MTSS1: variants seen among roughly 807,000 people sequenced by gnomAD.
The protein encoded by MTSS1 is MTSS I-BAR domain containing 1.
MTSS1 carries 18 observed loss-of-function variants against 79.0 expected under a neutral mutation model. The ratio of observed to expected loss-of-function variants is 0.23; its 90% CI spans 0.16 to 0.34. The LOEUF is 0.34. Ranked by LOEUF, MTSS1 falls within the 10% of genes least tolerant of loss-of-function variation. The pLI is 1.00. For synonymous variants in MTSS1, 341 were observed against 368.6 expected, an observed-to-expected ratio of 0.93 and a Z score of 0.86; for missense variants, 815 against 986.2, an observed-to-expected ratio of 0.83 and a Z score of 2.33.
chr8:124,654,560 G>A (rs547414141), intron 3 of MTSS1, among the ~76,000 whole-genome samples: 2 of 152,162 alleles, frequency 1.3e-5, no homozygotes, highest in African/African-American at 4.8e-5. Context: ...ACATTGAAAG[G>A]TTCATACTAG....
intron 3 of MTSS1, among the ~76,000 whole-genome samples, chr8:124,621,458 G>T (rs756777252): frequency 7.2e-5 from 11 of 152,188 alleles, no homozygotes; most frequent in Non-Finnish European, 1.3e-4. Flanking sequence ...GGCAGAAGGG[G>T]TGTCTGCCAG....
At chr8:124,700,533 C>G (rs945437586) in intron 2 of MTSS1, among the ~76,000 whole-genome samples, 2 of 152,184 alleles carry the variant, frequency 1.3e-5, no homozygotes, top group African/African-American at 4.8e-5. Context: ...AACTGAGATA[C>G]TACTGTTTCA....
chr8:124,574,990 T>C lies in MTSS1; in HGVS notation c.461-6454A>G, dbSNP rs140122366. 5.3e-5 allele frequency among the ~76,000 whole-genome samples: 8 copies of C among 152,222 alleles called. No individual in the cohort carries two copies. The East Asian group carries it at 1.5e-3, about 29-fold the overall frequency. On this transcript the variant is annotated intron_variant, in intron 6 of 13. Transcript: ENST00000518547. ...TCGGTAGGTTTTTTTTTTCCTTTCTTAGTGGTCTGGAAAATAATGGTGCAT... is the reference window on the plus strand; with the variant it reads ...TCGGTAGGTTTTTTTTTTCCTTTCTCAGTGGTCTGGAAAATAATGGTGCAT...
intron 1 of MTSS1, among the ~76,000 whole-genome samples, chr8:124,710,783 T>C (rs1266908123): frequency 1.3e-5 from 2 of 152,054 alleles, no homozygotes; most frequent in Non-Finnish European, 2.9e-5. Flanking sequence ...GCTGAGGGAA[T>C]TCAACACCAC....
At chr8:124,719,897 T>G (rs771644320) in intron 1 of MTSS1, among the ~76,000 whole-genome samples, 2 of 152,164 alleles carry the variant, frequency 1.3e-5, no homozygotes, top group African/African-American at 2.4e-5. Flanking sequence ...ATTCACCTCT[T>G]CTCCCATTTT....
At chr8:124,696,256 G>A (rs1385313000) in intron 3 of MTSS1, among the ~76,000 whole-genome samples, 3 of 151,894 alleles carry the variant, frequency 2.0e-5, no homozygotes, top group Non-Finnish European at 4.4e-5. Flanking sequence ...CCAAATGCTG[G>A]GATTACAGGT....
chr8:124,704,147 C>G lies in MTSS1; in HGVS notation c.117G>C (p.Lys39Asn). Residue 39 changes from lysine to asparagine, a missense_variant, in exon 2 of 14, where the codon AAG (lysine) becomes AAC (asparagine). Physicochemically the swap from Lys to Asn is moderately conservative, Grantham distance 94 (BLOSUM62 0). This residue lies in a region of MTSS1 where 225 missense variants were observed against 365.4 expected (regional missense o/e 0.62). Transcript: ENST00000518547. ...VWEDFINKAG[K>N]LQSQLRTTVV... ...CTACTTACCGAAGCTGGGACTGCAG[C>G]TTTCCTGCTTTGTTTATGAAATCTT... 1 of 1,614,030 alleles carries G rather than the reference C, an allele frequency of 6.2e-7. No homozygotes were observed. The highest frequency in any genetic ancestry group is 8.5e-7 in the Non-Finnish European group (1 of 1,179,982).
rs1354350144 is a variant in MTSS1 at position 124,597,057 on chromosome 8, G to C, written c.209-5822C>G. 6.6e-6 allele frequency among the ~76,000 whole-genome samples: 1 copy of C among 152,160 alleles called. No homozygotes were observed. On this transcript the variant is annotated intron_variant, in intron 3 of 13. Coordinates refer to ENST00000518547, the MANE Select transcript of MTSS1 (RefSeq NM_014751.6). The surrounding 1 kb of genome is among the most constrained non-coding windows in gnomAD (Gnocchi z 4.6). ...CCTATCTTTCTGGGGGTGCGCCGCA[G>C]TCCACGGCCCACATCCTACCGTGCA... is the stretch of plus-strand genomic sequence containing the variant.
intron 3 of MTSS1, among the ~76,000 whole-genome samples, chr8:124,606,734 C>T (rs1019052970): frequency 6.6e-6 from 1 of 151,954 alleles, no homozygotes; most frequent in African/African-American, 2.4e-5. Context: ...CAGCCAGATT[C>T]AAACCGTGCT....
intron 5 of MTSS1, among the ~76,000 whole-genome samples, chr8:124,589,112 C>A (rs539579982): frequency 4.6e-5 from 7 of 152,040 alleles, no homozygotes; most frequent in East Asian, 1.9e-4. Context: ...CTCACTGCAA[C>A]CTCTGACTCC....
chr8:124,698,263 C>A (rs781407281), intron 3 of MTSS1: 1 of 152,234 alleles, frequency 6.6e-6, no homozygotes, highest in East Asian at 1.9e-4. Flanking sequence ...TCAGGTGGTT[C>A]GGAGAAACTT....
At chr8:124,572,301 G>C (rs1027868122) in intron 6 of MTSS1, among the ~76,000 whole-genome samples, 1 of 152,124 alleles carries the variant, frequency 6.6e-6, no homozygotes, top group South Asian at 2.1e-4. Context: ...TTCCATTCAG[G>C]ATAGATGATA....
At chr8:124,720,216 G>A (rs1832708387) in intron 1 of MTSS1, among the ~76,000 whole-genome samples, 1 of 152,226 alleles carries the variant, frequency 6.6e-6, no homozygotes, top group Admixed American at 6.5e-5. Context: ...CTGTGTCAAG[G>A]AAGCCTGGGA....
chr8:124,575,175 C>G (rs192400263), intron 6 of MTSS1, among the ~76,000 whole-genome samples: 18 of 152,242 alleles, frequency 1.2e-4, no homozygotes, highest in African/African-American at 4.1e-4. Flanking sequence ...CCTCATTATC[C>G]CTTTATAAGT....
At chr8:124,719,912 G>T (rs759225928) in intron 1 of MTSS1, among the ~76,000 whole-genome samples, 3 of 152,142 alleles carry the variant, frequency 2.0e-5, no homozygotes, top group Non-Finnish European at 4.4e-5. Flanking sequence ...CATTTTACAG[G>T]TAAGAAAATC....
At position 124,565,693 on chromosome 8, in the gene MTSS1, T is replaced by C; in HGVS notation, c.793A>G (p.Thr265Ala). 6.2e-7 allele frequency: 1 copy of C among 1,614,042 alleles called. No individual in the cohort carries two copies. The highest frequency in any genetic ancestry group is 1.1e-5 in the South Asian group (1 of 91,074). Residue 265 changes from threonine to alanine, a missense_variant, in exon 9 of 14, where the codon ACC (threonine) becomes GCC (alanine). By Grantham distance (58) the Thr-to-Ala change is moderately conservative (BLOSUM62 0). Coordinates refer to ENST00000518547, the MANE Select transcript of MTSS1 (RefSeq NM_014751.6). ...ACACTGGACTTTCTGGACATGGTGG[T>C]GCTGGGGGAAGAGGGTGGCGTCTGA... The part of the protein sequence containing the change: ...SYQTPPSSPS[T>A]TMSRKSSVCS...
At chr8:124,629,330 C>G (rs559572714) in intron 3 of MTSS1, among the ~76,000 whole-genome samples, 1 of 151,412 alleles carries the variant, frequency 6.6e-6, no homozygotes, top group Non-Finnish European at 1.5e-5. Context: ...CTGGCTAACA[C>G]GGTGAAACCC....
chr8:124,707,645 T>C (rs1221300061), intron 1 of MTSS1, among the ~76,000 whole-genome samples: 2 of 151,364 alleles, frequency 1.3e-5, no homozygotes, highest in African/African-American at 4.9e-5. Flanking sequence ...AAAGTGGAGG[T>C]TGCATTGAGC....
At chr8:124,700,454 T>C (rs1325300147) in intron 2 of MTSS1, among the ~76,000 whole-genome samples, 1 of 152,184 alleles carries the variant, frequency 6.6e-6, no homozygotes, top group Non-Finnish European at 1.5e-5. Context: ...CTCACAGGCT[T>C]GGGCTTGACC....
Sources: allele counts gnomAD v4.1 joint callset (sites outside exome capture counted in the v4.1 genomes callset), GRCh38; gene constraint gnomAD v4.1.1; regional missense constraint gnomAD v4.1.1; non-coding constraint Gnocchi (gnomAD v3.1); transcripts MANE v1.5; gene names NCBI Gene and HGNC (gene_info 2026-07-23, HGNC 2026-07-21).